Variants in RABGAP1L observed in about 807,000 individuals in gnomAD.
RABGAP1L encodes the protein RAB GTPase activating protein 1 like.
A neutral mutation model predicts 137.7 loss-of-function variants in RABGAP1L; 63 were observed. The observed-to-expected ratio is 0.46, with a 90% CI of 0.37 to 0.56. The LOEUF (loss-of-function observed/expected upper bound fraction) is 0.56. Ranked by LOEUF, RABGAP1L falls within the 20% of genes least tolerant of loss-of-function variation. RABGAP1L has a pLI of 0.00. For missense variants in RABGAP1L, 1,095 were observed against 1,244.0 expected (o/e 0.88, Z 1.80); for synonymous variants, 431 against 433.7 (o/e 0.99, Z 0.08).
intron 11 of RABGAP1L, among the ~76,000 whole-genome samples, chr1:174,330,263 C>CG (rs142014977): frequency 0.09 from 13,655 of 152,094 alleles, 837 homozygotes; most frequent in East Asian, 0.22. Flanking sequence ...CAATAGGAAA[C>CG]TATTTGAAAA....
chr1:174,949,392 A>G (rs1667387527), intron 19 of RABGAP1L, among the ~76,000 whole-genome samples: 1 of 152,244 alleles, frequency 6.6e-6, no homozygotes, highest in Non-Finnish European at 1.5e-5. Context: ...GGGCATTGCC[A>G]GTGAAGTTTA....
At chr1:174,551,021 T>TATATAC (rs1553330343) in intron 13 of RABGAP1L, among the ~76,000 whole-genome samples, 13 of 122,794 alleles carry the variant, frequency 1.1e-4, no homozygotes, top group African/African-American at 4.2e-4. Flanking sequence ...TATATATATA[T>TATATAC]ACATACACAC....
intron 19 of RABGAP1L, among the ~76,000 whole-genome samples, chr1:174,836,920 T>A (rs1692808218): frequency 6.6e-6 from 1 of 152,162 alleles, no homozygotes; most frequent in Non-Finnish European, 1.5e-5. Flanking sequence ...TAAAAATATG[T>A]TCCAGGCGGG....
chr1:174,309,456 C>G (rs1349141753), intron 11 of RABGAP1L, among the ~76,000 whole-genome samples: 2 of 152,078 alleles, frequency 1.3e-5, no homozygotes, highest in East Asian at 3.9e-4. Flanking sequence ...AAGCTTTTAG[C>G]CTTTCCCCAT....
intron 13 of RABGAP1L, among the ~76,000 whole-genome samples, chr1:174,507,611 A>G (rs1173403747): frequency 6.6e-6 from 1 of 152,158 alleles, no homozygotes; most frequent in South Asian, 2.1e-4. Flanking sequence ...AATGAGAAGC[A>G]AAAAAGAAAA....
chr1:174,183,738 C>T (rs1301287679), intron 1 of RABGAP1L, among the ~76,000 whole-genome samples: 1 of 152,146 alleles, frequency 6.6e-6, no homozygotes, highest in Non-Finnish European at 1.5e-5. Flanking sequence ...AATGGTTTCA[C>T]TGCTCTAAAA....
chr1:174,353,748 A>C (rs1422800742), intron 11 of RABGAP1L, among the ~76,000 whole-genome samples: 1 of 152,202 alleles, frequency 6.6e-6, no homozygotes, highest in African/African-American at 2.4e-5. Context: ...GTCTTCCCCA[A>C]GTACATGGAT....
intron 13 of RABGAP1L, among the ~76,000 whole-genome samples, chr1:174,436,689 G>A (rs1017863207): frequency 6.6e-6 from 1 of 152,140 alleles, no homozygotes; most frequent in African/African-American, 2.4e-5. Flanking sequence ...TTTGGCTTTT[G>A]TTGCCATTGC....
At chr1:174,886,499 C>G (rs1468778436) in intron 19 of RABGAP1L, among the ~76,000 whole-genome samples, 1 of 152,168 alleles carries the variant, frequency 6.6e-6, no homozygotes, top group Non-Finnish European at 1.5e-5. Context: ...TACAGAAGCC[C>G]TCTTATCCGA....
At chr1:174,579,826 A>G (rs894431811) in intron 13 of RABGAP1L, among the ~76,000 whole-genome samples, 2 of 152,220 alleles carry the variant, frequency 1.3e-5, no homozygotes, top group African/African-American at 4.8e-5. Context: ...GCAAGGCACT[A>G]TCTCAGCTCA....
At chr1:174,566,178 A>T (rs1364230793) in intron 13 of RABGAP1L, among the ~76,000 whole-genome samples, 1 of 152,136 alleles carries the variant, frequency 6.6e-6, no homozygotes, top group Non-Finnish European at 1.5e-5. Flanking sequence ...TATCACCAAT[A>T]GAAGTTAAGC....
At chr1:174,462,990 A>G (rs1320903363) in intron 13 of RABGAP1L, among the ~76,000 whole-genome samples, 2 of 152,348 alleles carry the variant, frequency 1.3e-5, no homozygotes, top group African/African-American at 2.4e-5. Flanking sequence ...TAGAATGGCA[A>G]TCATTAAAAA....
chr1:174,929,687 G>A (rs1312861837), intron 19 of RABGAP1L, among the ~76,000 whole-genome samples: 3 of 151,596 alleles, frequency 2.0e-5, no homozygotes, highest in Admixed American at 6.6e-5. Flanking sequence ...AGGCTACAGT[G>A]AGCTATGATC....
chr1:174,622,761 G>T (rs946019911), intron 13 of RABGAP1L, among the ~76,000 whole-genome samples: 1 of 152,140 alleles, frequency 6.6e-6, no homozygotes, highest in Non-Finnish European at 1.5e-5. Context: ...GCTAAATGAC[G>T]AGTTAATGGG....
intron 15 of RABGAP1L, among the ~76,000 whole-genome samples, chr1:174,695,346 C>T (rs1415741671): frequency 6.6e-6 from 1 of 151,974 alleles, no homozygotes; most frequent in Non-Finnish European, 1.5e-5. Flanking sequence ...TTTCATATAG[C>T]CTGTCTTCAA....
chr1:174,798,971 A>G (rs928062764), intron 18 of RABGAP1L, among the ~76,000 whole-genome samples: 15 of 152,226 alleles, frequency 9.9e-5, no homozygotes, highest in Admixed American at 9.8e-4. Context: ...CATTAGCACT[A>G]AGATTGTAAA....
intron 13 of RABGAP1L, among the ~76,000 whole-genome samples, chr1:174,467,987 C>T (rs779671558): frequency 5.9e-5 from 9 of 151,962 alleles, no homozygotes; most frequent in Admixed American, 5.2e-4. Context: ...ATTATAAAAT[C>T]GTGAAATCTT....
At chr1:174,545,902 A>G (rs1406981652) in intron 13 of RABGAP1L, 1 of 152,180 alleles carries the variant, frequency 6.6e-6, no homozygotes, top group East Asian at 1.9e-4. Context: ...AGCTTTGGTT[A>G]TACTTGCAAT....
intron 19 of RABGAP1L, among the ~76,000 whole-genome samples, chr1:174,819,333 T>G (rs1690778708): frequency 6.6e-6 from 1 of 152,104 alleles, no homozygotes; most frequent in Admixed American, 6.6e-5. Flanking sequence ...AAGATGAGTC[T>G]TTAATGCTAA....
Sources: allele counts gnomAD v4.1 joint callset (sites outside exome capture counted in the v4.1 genomes callset), GRCh38; gene constraint gnomAD v4.1.1; transcripts MANE v1.5; gene names NCBI Gene and HGNC (gene_info 2026-07-23, HGNC 2026-07-21).